RABGAP1L: variants seen among roughly 807,000 people sequenced by gnomAD.
The protein encoded by RABGAP1L is RAB GTPase activating protein 1 like, also known as rab GTPase-activating protein 1-like.
RABGAP1L carries 63 observed loss-of-function variants against 137.7 expected under a neutral mutation model. That is an observed-to-expected ratio of 0.46 (90% confidence interval 0.37 to 0.56). The LOEUF (loss-of-function observed/expected upper bound fraction) is 0.56. Ranked by LOEUF, RABGAP1L falls within the 20% of genes least tolerant of loss-of-function variation. RABGAP1L has a pLI of 0.00. For synonymous variants in RABGAP1L, 431 were observed against 433.7 expected (o/e 0.99, Z 0.08); for missense variants, 1,095 against 1,244.0 (o/e 0.88, Z 1.80).
At chr1:174,663,310 T>A (rs1158899192) in intron 14 of RABGAP1L, among the ~76,000 whole-genome samples, 3 of 152,234 alleles carry the variant, frequency 2.0e-5, no homozygotes, top group African/African-American at 7.2e-5. Context: ...CATACTGTTG[T>A]ATAAAACTAT....
chr1:174,795,765 A>G (rs1688198135), intron 18 of RABGAP1L, among the ~76,000 whole-genome samples: 1 of 152,126 alleles, frequency 6.6e-6, no homozygotes, highest in African/African-American at 2.4e-5. Context: ...TATAGAGACA[A>G]GGTTTTTGCC....
At position 174,991,795 on chromosome 1, in the gene RABGAP1L, T is replaced by G. The variant is rs1404541711; in HGVS notation, c.*1794T>G. 3.3e-5 allele frequency: 3 copies of G among 91,458 alleles called. No individual in the cohort carries two copies. In the East Asian group the frequency reaches 8.5e-4, roughly 26 times the overall value. 5.7% of individuals were successfully genotyped at this position (91,458 alleles called of 1,614,324 possible). ...GCTAATTTTTTTTTTTTTTTTTTTG[T>G]AAAATGTAATAGCTAGAAAATGTTA... On this transcript the variant is annotated 3_prime_UTR_variant, in exon 26 of 26. Coordinates refer to ENST00000681986, the MANE Select transcript of RABGAP1L (RefSeq NM_001366446.1).
intron 15 of RABGAP1L, among the ~76,000 whole-genome samples, chr1:174,685,025 A>G (rs1678355466): frequency 6.6e-6 from 1 of 152,138 alleles, no homozygotes; most frequent in Non-Finnish European, 1.5e-5. Context: ...GTCAGTTTAA[A>G]TGAGAGATGT....
At chr1:174,302,521 ACTTTTCTCTTGATAAAT>A (rs1197783354) in intron 10 of RABGAP1L, among the ~76,000 whole-genome samples, 3 of 152,220 alleles carry the variant, frequency 2.0e-5, no homozygotes, top group African/African-American at 7.2e-5. Flanking sequence ...AGGAGCAGAA[ACTTTTCTCTTGATAAAT>A]CTGTTTTCCA....
intron 4 of RABGAP1L, among the ~76,000 whole-genome samples, chr1:174,239,106 A>G (rs912817872): frequency 9.2e-5 from 14 of 152,136 alleles, no homozygotes; most frequent in Admixed American, 2.0e-4. Flanking sequence ...AGGTGAGGCA[A>G]TGCCTCGCCC....
intron 13 of RABGAP1L, among the ~76,000 whole-genome samples, chr1:174,516,335 A>G (rs1296210897): frequency 6.6e-6 from 1 of 152,112 alleles, no homozygotes; most frequent in Non-Finnish European, 1.5e-5. Flanking sequence ...TAATTTCCAG[A>G]GTTATCCCTT....
chr1:174,915,267 A>G (rs184481715), intron 19 of RABGAP1L, among the ~76,000 whole-genome samples: 3 of 152,350 alleles, frequency 2.0e-5, no homozygotes, highest in Non-Finnish European at 4.4e-5. Flanking sequence ...CAAAGTGGCT[A>G]TAACATTTTA....
In RABGAP1L at chr1:174,683,641, T is replaced by C. The variant is rs372457750; in HGVS notation, c.1899+45T>C. The C allele has an allele frequency of 6.2e-4, 875 of 1,420,290 alleles. 1 individual carries two copies. Among genetic ancestry groups the C allele is most frequent in the Admixed American group, 1.0e-3 (57 of 55,716 alleles). The allele number at this position is 1,420,290 out of a possible 1,614,324, so 88.0% of individuals were successfully genotyped here. A position where few individuals can be genotyped will look rare whatever the true frequency, so the allele number is the denominator to read the frequency against. On this transcript the variant is annotated intron_variant, in intron 15 of 25. Transcript: ENST00000681986. ...ATAAATAGCACAGTGCTGCCAAGTT[T>C]ATTTTACTTTCTACTGGCTTTGTTC...
At chr1:174,680,087 A>AAACTT (rs1677938537) in intron 14 of RABGAP1L, among the ~76,000 whole-genome samples, 3 of 152,232 alleles carry the variant, frequency 2.0e-5, no homozygotes, top group African/African-American at 7.2e-5. Context: ...TTCAAAATTG[A>AAACTT]AACTTGCTCT....
intron 17 of RABGAP1L, among the ~76,000 whole-genome samples, chr1:174,713,928 C>A (rs951975611): frequency 4.6e-5 from 7 of 152,164 alleles, no homozygotes; most frequent in Non-Finnish European, 1.0e-4. Context: ...TCCATAGCAT[C>A]CAGAGAGGAT....
rs140176041 is a variant in RABGAP1L at position 174,335,835 on chromosome 1, C to T, written c.1465+30708C>T. Among the ~76,000 whole-genome samples, 75 of 152,308 alleles carry T rather than the reference C, an allele frequency of 4.9e-4. No individual in the cohort carries two copies. The East Asian group carries it at 0.013, about 26-fold the overall frequency. Reference sequence around the variant, plus strand: ...TTGTGTATTAATTTGATTCATGTAACAAATATTTGTGTACCTGCTGTATTT... The same window carrying T: ...TTGTGTATTAATTTGATTCATGTAATAAATATTTGTGTACCTGCTGTATTT... On this transcript the variant is annotated intron_variant, in intron 11 of 25. Coordinates refer to ENST00000681986, the MANE Select transcript of RABGAP1L (RefSeq NM_001366446.1).
intron 13 of RABGAP1L, among the ~76,000 whole-genome samples, chr1:174,395,148 A>C (rs1647670483): frequency 6.6e-6 from 1 of 152,126 alleles, no homozygotes. Flanking sequence ...CCTTGGGTCC[A>C]GTGGCCACTG....
chr1:174,706,938 C>T (rs929880403), intron 17 of RABGAP1L, among the ~76,000 whole-genome samples: 17 of 152,188 alleles, frequency 1.1e-4, no homozygotes, highest in Non-Finnish European at 2.9e-5. Context: ...TTCTCCCATT[C>T]TATTGTTGAC....
chr1:174,670,236 A>AT (rs1215486376), intron 14 of RABGAP1L, among the ~76,000 whole-genome samples: 1 of 151,400 alleles, frequency 6.6e-6, no homozygotes, highest in Admixed American at 6.6e-5. Flanking sequence ...TAGCTACTTT[A>AT]TTTTTTATTT....
intron 11 of RABGAP1L, among the ~76,000 whole-genome samples, chr1:174,349,303 G>T (rs1258485621): frequency 7.7e-6 from 1 of 130,180 alleles, no homozygotes; most frequent in Non-Finnish European, 1.7e-5. Flanking sequence ...AGTAGGGGCG[G>T]CCGGGCAGAG....
At chr1:174,851,808 C>T (rs1648407246) in intron 19 of RABGAP1L, among the ~76,000 whole-genome samples, 1 of 152,048 alleles carries the variant, frequency 6.6e-6, no homozygotes, top group Non-Finnish European at 1.5e-5. Flanking sequence ...ATGTGTGCCA[C>T]AACACCTGGC....
At chr1:174,859,540 G>T (rs535428339) in intron 19 of RABGAP1L, among the ~76,000 whole-genome samples, 1 of 150,470 alleles carries the variant, frequency 6.6e-6, no homozygotes, top group Non-Finnish European at 1.5e-5. Flanking sequence ...CCATAAAAAA[G>T]AATGAGATTG....
At chr1:174,720,144 TG>T (rs1681375894) in intron 17 of RABGAP1L, among the ~76,000 whole-genome samples, 1 of 152,174 alleles carries the variant, frequency 6.6e-6, no homozygotes, top group African/African-American at 2.4e-5. Context: ...CACGTATTTG[TG>T]GGCATTTGAT....
rs562516852 is a variant in RABGAP1L at position 174,681,587 on chromosome 1, G to A, written c.1825-1935G>A. On this transcript the variant is annotated intron_variant, in intron 14 of 25. Transcript: ENST00000681986. ...GGTGTTTGACCAAAGAGAGGCATGG[G>A]GGAACATTCTGGAGTGATGGAAATA... 2.0e-5 allele frequency among the ~76,000 whole-genome samples: 3 copies of A among 152,276 alleles called. 1 individual carries two copies. In the South Asian group the frequency reaches 6.2e-4, roughly 32 times the overall value.
Sources: gnomAD v4.1 joint callset for allele counts (sites outside exome capture counted in the v4.1 genomes callset) on GRCh38, gnomAD v4.1.1 for gene constraint, MANE v1.5 for transcripts, NCBI Gene and HGNC (gene_info 2026-07-23, HGNC 2026-07-21) for gene names.